Variants in ASB18 observed in about 807,000 individuals in gnomAD.
The protein encoded by ASB18 is ankyrin repeat and SOCS box protein 18.
A neutral mutation model predicts 33.4 loss-of-function variants in ASB18; 33 were observed. The ratio of observed to expected loss-of-function variants is 0.99; its 90% CI spans 0.75 to 1.32. The LOEUF is 1.32. Ranked by LOEUF, ASB18 falls within the 40% of genes most tolerant of loss-of-function variation. The pLI is 0.00. For missense variants in ASB18, 694 were observed against 655.5 expected (o/e 1.06, Z -0.64); for synonymous variants, 295 against 307.6 (o/e 0.96, Z 0.43).
At chr2:236,232,212 C>A (rs1399172510) in intron 3 of ASB18, among the ~76,000 whole-genome samples, 1 of 151,484 alleles carries the variant, frequency 6.6e-6, no homozygotes, top group Non-Finnish European at 1.5e-5. Flanking sequence ...TCTGGAAAAT[C>A]CCCACATATT....
rs1201415634 is a variant in ASB18, at chr2:236,203,484, G to T, written c.1102-7099C>A. Among the ~76,000 whole-genome samples, 1 of 152,190 alleles carries T rather than the reference G, an allele frequency of 6.6e-6. No individual in the cohort carries two copies. The highest frequency in any genetic ancestry group is 2.4e-5 in the African/African-American group (1 of 41,458). ...AGAGGAAAGCAGGGAAGACCATGGA[G>T]TCCATTATCTGCCTGAGAAGGAGGC... is the stretch of plus-strand genomic sequence containing the variant. On this transcript the variant is annotated intron_variant, in intron 4 of 5. Coordinates refer to ENST00000409749, the MANE Select transcript of ASB18 (RefSeq NM_212556.4). The surrounding 1 kb of genome is among the most constrained non-coding windows in gnomAD (Gnocchi z 6.0).
In ASB18 at chr2:236,204,973, C is replaced by T. The variant is rs1434221061; in HGVS notation, c.1102-8588G>A. Among the ~76,000 whole-genome samples, 1 of 152,154 alleles carries T rather than the reference C, an allele frequency of 6.6e-6. No homozygotes were observed. The highest frequency in any genetic ancestry group is 2.4e-5 in the African/African-American group (1 of 41,432). ...CTGTTAAAAAATCCTGTTGGCTCTA[C>T]CTCCAAAATATATCCAGGGTCAGAT... On this transcript the variant is annotated intron_variant, in intron 4 of 5. Coordinates refer to ENST00000409749, the MANE Select transcript of ASB18 (RefSeq NM_212556.4). The surrounding 1 kb of genome is among the most constrained non-coding windows in gnomAD (Gnocchi z 5.1).
chr2:236,202,777 C>CAAAAA (rs34973734), intron 4 of ASB18, among the ~76,000 whole-genome samples: 666 of 67,536 alleles, frequency 9.9e-3, no homozygotes, highest in Middle Eastern at 0.016. Context: ...GACTCCGTCT[C>CAAAAA]AAAAAAAAAA....
chr2:236,239,153 A>G lies in ASB18; in HGVS notation c.329-1197T>C, dbSNP rs2060609906. ...GGGGTGATGGATGTAGTCTATCTAC[A>G]TTGTTATCCCCGTGATAACAATAAC... is the stretch of plus-strand genomic sequence containing the variant. On this transcript the variant is annotated intron_variant, in intron 2 of 5. Transcript: ENST00000409749. This position sits in a 1 kb window ranked among gnomAD's most constrained non-coding sequence, Gnocchi z 5.6. Among the ~76,000 whole-genome samples the G allele has an allele frequency of 6.6e-6, 1 of 152,226 alleles. No individual in the cohort carries two copies. The highest frequency in any genetic ancestry group is 1.5e-5 in the Non-Finnish European group (1 of 68,038).
In ASB18 at chr2:236,245,113, G is replaced by T. The variant is rs1297674711; in HGVS notation, c.206-3711C>A. Among the ~76,000 whole-genome samples, 3 of 152,162 alleles carry T rather than the reference G, an allele frequency of 2.0e-5. No individual in the cohort carries two copies. The highest frequency in any genetic ancestry group is 2.9e-5 in the Non-Finnish European group (2 of 68,034). ...TGGGTGTGGGGGGAGACTTGGCCAT[G>T]ACCCAAATTGGTTGCCACGGGGGCC... On this transcript the variant is annotated intron_variant, in intron 1 of 5. Coordinates refer to ENST00000409749, the MANE Select transcript of ASB18 (RefSeq NM_212556.4). This position sits in a 1 kb window ranked among gnomAD's most constrained non-coding sequence, Gnocchi z 4.7.
rs768212844 is a variant in ASB18, at chr2:236,214,502, C to T, written c.961G>A (p.Ala321Thr). The change falls in exon 4 of 6, where the codon GCG becomes ACG. Residue 321 changes from alanine to threonine, a missense_variant. By Grantham distance (58) the Ala-to-Thr change is moderately conservative. Transcript: ENST00000409749. The surrounding 1 kb of genome is among the most constrained non-coding windows in gnomAD (Gnocchi z 6.5). ...GGCGAGGCCCCGCCATAGTCGAGCG[C>T]GCCCGCGTCGGCGCCGTGCCGCAGT... Reference protein sequence around the residue: ...LLLRHGADAGALDYGGASPLG... With the variant: ...LLLRHGADAGTLDYGGASPLG... 5.4e-6 allele frequency: 8 copies of T among 1,492,010 alleles called. 1 individual carries two copies. In the South Asian group the frequency reaches 8.8e-5, roughly 16 times the overall value. 92.4% of individuals were successfully genotyped at this position (1,492,010 alleles called of 1,614,324 possible). A position where few individuals can be genotyped will look rare whatever the true frequency, so the allele number is the denominator to read the frequency against.
chr2:236,214,484 C>G lies in ASB18; in HGVS notation c.979G>C (p.Ala327Pro), dbSNP rs1278021800. The G allele has an allele frequency of 6.6e-7, 1 of 1,512,810 alleles. No homozygotes were observed. The allele number at this position is 1,512,810 out of a possible 1,614,324, so 93.7% of individuals were successfully genotyped here. A position where few individuals can be genotyped will look rare whatever the true frequency, so the allele number is the denominator to read the frequency against. The change falls in exon 4 of 6, where the codon GCC (alanine) becomes CCC (proline). Residue 327 changes from alanine (A) to proline (P), a missense_variant. Ala to Pro is a conservative substitution (Grantham distance 27, BLOSUM62 -1). Coordinates refer to ENST00000409749, the MANE Select transcript of ASB18 (RefSeq NM_212556.4). The surrounding 1 kb of genome is among the most constrained non-coding windows in gnomAD (Gnocchi z 6.5). ...TGGAGCACGCGGCCCAGCGGCGAGG[C>G]CCCGCCATAGTCGAGCGCGCCCGCG... ...ADAGALDYGG[A>P]SPLGRVLQTA... is the part of the protein sequence containing the mutation.
rs1371808532 is a variant in ASB18 at position 236,213,165 on chromosome 2, C to A, written c.1101+1197G>T. Reference sequence around the variant, plus strand: ...TTTCAGGAGTCCACTATATTGAAATCATTGCCTTAGTGGAGCACCACAAGA... The same window carrying A: ...TTTCAGGAGTCCACTATATTGAAATAATTGCCTTAGTGGAGCACCACAAGA... On this transcript the variant is annotated intron_variant, in intron 4 of 5. Coordinates refer to ENST00000409749, the MANE Select transcript of ASB18 (RefSeq NM_212556.4). The surrounding 1 kb of genome is among the most constrained non-coding windows in gnomAD (Gnocchi z 4.8). 4.2e-4 allele frequency among the ~76,000 whole-genome samples: 64 copies of A among 150,978 alleles called. No individual in the cohort carries two copies. Among genetic ancestry groups the A allele is most frequent in the Non-Finnish European group, 4.4e-4 (30 of 67,670 alleles).
rs918589700 is a variant in ASB18 at position 236,259,583 on chromosome 2, A to G, written c.205+4558T>C. The G allele has an allele frequency of 5.7e-5, 27 of 471,096 alleles. No homozygotes were observed. Among genetic ancestry groups the G allele is most frequent in the African/African-American group, 4.8e-4 (24 of 50,102 alleles). The allele number at this position is 471,096 out of a possible 1,614,324, so 29.2% of individuals were successfully genotyped here. A position where few individuals can be genotyped will look rare whatever the true frequency, so the allele number is the denominator to read the frequency against. ...GTGACCTCCCCTGCATGGGGTCGGA[A>G]GGATGAGATGGCAAAGGTGAGCAGA... On this transcript the variant is annotated intron_variant, in intron 1 of 5. Coordinates refer to ENST00000409749, the MANE Select transcript of ASB18 (RefSeq NM_212556.4). This position sits in a 1 kb window ranked among gnomAD's most constrained non-coding sequence, Gnocchi z 4.4.
At position 236,239,050 on chromosome 2, in the gene ASB18, G is replaced by A. The variant is rs192807937; in HGVS notation, c.329-1094C>T. Among the ~76,000 whole-genome samples the A allele has an allele frequency of 9.2e-5, 14 of 152,300 alleles. No individual in the cohort carries two copies. In the East Asian group the frequency reaches 2.5e-3, roughly 27 times the overall value. ...CCTGTGGGACTGGCATGGAATGGTG[G>A]TGGCCAGAGGCCCCAGGGACATGGA... On this transcript the variant is annotated intron_variant, in intron 2 of 5. Coordinates refer to ENST00000409749, the MANE Select transcript of ASB18 (RefSeq NM_212556.4). This position sits in a 1 kb window ranked among gnomAD's most constrained non-coding sequence, Gnocchi z 5.6.
Position 236,220,849 on chromosome 2 carries a change from C to T in ASB18, c.597-5983G>A, listed in dbSNP as rs938564559. ...TTTCATTCATTCAATAAGCAGAGAA[C>T]ATGTGCCATGCTCCTTTCGAGGTAA... On this transcript the variant is annotated intron_variant, in intron 3 of 5. Coordinates refer to ENST00000409749, the MANE Select transcript of ASB18 (RefSeq NM_212556.4). This position sits in a 1 kb window ranked among gnomAD's most constrained non-coding sequence, Gnocchi z 5.1. Among the ~76,000 whole-genome samples, 5 of 152,166 alleles carry T rather than the reference C, an allele frequency of 3.3e-5. No homozygotes were observed. The highest frequency in any genetic ancestry group is 1.2e-4 in the African/African-American group (5 of 41,444).
intron 1 of ASB18, among the ~76,000 whole-genome samples, chr2:236,261,141 T>A (rs2060715106): frequency 6.6e-6 from 1 of 152,070 alleles, no homozygotes; most frequent in Non-Finnish European, 1.5e-5. Context: ...TTTGTAAAGA[T>A]GCTTAGAGAT....
chr2:236,201,509 A>G (rs1323183350), intron 4 of ASB18, among the ~76,000 whole-genome samples: 3 of 151,440 alleles, frequency 2.0e-5, no homozygotes, highest in African/African-American at 7.3e-5. Flanking sequence ...GTTATTTGAG[A>G]GTGTGCTATA....
At position 236,237,965 on chromosome 2, in the gene ASB18, A is replaced by G. The variant is rs1576406786; in HGVS notation, c.329-9T>C. 1 of 1,486,962 alleles carries G rather than the reference A, an allele frequency of 6.7e-7. No individual in the cohort carries two copies. Among genetic ancestry groups the G allele is most frequent in the Non-Finnish European group, 8.9e-7 (1 of 1,126,296 alleles). The allele number at this position is 1,486,962 out of a possible 1,614,324, so 92.1% of individuals were successfully genotyped here. ...CTCCAGGGTCCAGAGGCCTGCGGGG[A>G]GGGAGGTGGGATGTAAGGTCAGGGG... is the stretch of plus-strand genomic sequence containing the variant. On this transcript the variant is annotated splice_polypyrimidine_tract_variant and intron_variant, in intron 2 of 5. Transcript: ENST00000409749. This position sits in a 1 kb window ranked among gnomAD's most constrained non-coding sequence, Gnocchi z 6.2.
Position 236,200,828 on chromosome 2 carries a change from A to C in ASB18, c.1102-4443T>G, listed in dbSNP as rs998621077. Among the ~76,000 whole-genome samples, 1 of 151,806 alleles carries C rather than the reference A, an allele frequency of 6.6e-6. No homozygotes were observed. Among genetic ancestry groups the C allele is most frequent in the South Asian group, 2.1e-4 (1 of 4,810 alleles). ...GTTTAGTTTTGCTGAAGGTTTTTCC[A>C]TTTTACTCCTTTTTTCAAGAAATCA... On this transcript the variant is annotated intron_variant, in intron 4 of 5. Coordinates refer to ENST00000409749, the MANE Select transcript of ASB18 (RefSeq NM_212556.4). This position sits in a 1 kb window ranked among gnomAD's most constrained non-coding sequence, Gnocchi z 4.2.
At position 236,259,508 on chromosome 2, in the gene ASB18, G is replaced by C; in HGVS notation, c.205+4633C>G. On this transcript the variant is annotated intron_variant, in intron 1 of 5. Transcript: ENST00000409749. This position sits in a 1 kb window ranked among gnomAD's most constrained non-coding sequence, Gnocchi z 4.4. The stretch of plus-strand genomic sequence containing the variant: ...TAAGGGCTTTATGCTTTCATGCAGG[G>C]AGGATGCACGATTTCTGTCCCAGTG... 2.1e-6 allele frequency: 1 copy of C among 471,094 alleles called. No homozygotes were observed. Among genetic ancestry groups the C allele is most frequent in the Non-Finnish European group, 4.4e-6 (1 of 227,006 alleles). The allele number at this position is 471,094 out of a possible 1,614,324, so 29.2% of individuals were successfully genotyped here. A position where few individuals can be genotyped will look rare whatever the true frequency, so the allele number is the denominator to read the frequency against.
Position 236,195,863 on chromosome 2 carries a change from G to T in ASB18, c.1215+409C>A, listed in dbSNP as rs2060369254. Among the ~76,000 whole-genome samples, 1 of 152,120 alleles carries T rather than the reference G, an allele frequency of 6.6e-6. No homozygotes were observed. Among genetic ancestry groups the T allele is most frequent in the Non-Finnish European group, 1.5e-5 (1 of 68,026 alleles). ...ACAGTCACCTGTGGACTTTGTCGTG[G>T]ATAGATGTAATCCCCATAGCTTCCT... On this transcript the variant is annotated intron_variant, in intron 5 of 5. Transcript: ENST00000409749. This position sits in a 1 kb window ranked among gnomAD's most constrained non-coding sequence, Gnocchi z 5.5.
intron 1 of ASB18, chr2:236,247,450 G>A: frequency 6.6e-6 from 1 of 152,128 alleles, no homozygotes; most frequent in Non-Finnish European, 1.5e-5. Flanking sequence ...AAGGAGCGGA[G>A]GACTCCAGAA....
Position 236,219,654 on chromosome 2 carries a change from T to C in ASB18, c.597-4788A>G, listed in dbSNP as rs1160306640. On this transcript the variant is annotated intron_variant, in intron 3 of 5. Transcript: ENST00000409749. The surrounding 1 kb of genome is among the most constrained non-coding windows in gnomAD (Gnocchi z 6.4). ...ATGGCCCAGTGGGGAAAGCTTACTG[T>C]TTGTCATTTCATTGCCTTCTCTGTA... Among the ~76,000 whole-genome samples the C allele has an allele frequency of 5.9e-5, 9 of 152,178 alleles. No homozygotes were observed.
Sources: allele counts gnomAD v4.1 joint callset (sites outside exome capture counted in the v4.1 genomes callset), GRCh38; gene constraint gnomAD v4.1.1; non-coding constraint Gnocchi (gnomAD v3.1); transcripts MANE v1.5; gene names NCBI Gene and HGNC (gene_info 2026-07-23, HGNC 2026-07-21).